RHBDD1: variants seen among roughly 807,000 people sequenced by gnomAD.
RHBDD1 encodes the protein rhomboid-related protein 4.
In RHBDD1, 38 loss-of-function variants were observed where a neutral mutation model predicts 36.3. That is an observed-to-expected ratio of 1.05 (90% CI 0.81 to 1.37). RHBDD1 has a LOEUF of 1.37. Ranked by LOEUF, RHBDD1 falls within the 40% of genes most tolerant of loss-of-function variation. The probability of loss-of-function intolerance (pLI) is 0.00; values close to 1 mark genes in which losing one functional copy is unlikely to be tolerated. For synonymous variants in RHBDD1, 151 were observed against 136.5 expected, an observed-to-expected ratio of 1.11 and a Z score of -0.74; for missense variants, 393 against 377.6, an observed-to-expected ratio of 1.04 and a Z score of -0.34.
chr2:226,971,909 CT>C (rs11305868), intron 8 of RHBDD1, among the ~76,000 whole-genome samples: 63,885 of 146,206 alleles, frequency 0.44, 13,472 homozygotes, highest in South Asian at 0.52. Flanking sequence ...CAAAAGCCCA[CT>C]TTTTTTTTTT....
intron 5 of RHBDD1, among the ~76,000 whole-genome samples, chr2:226,867,955 G>T (rs999658559): frequency 6.6e-6 from 1 of 152,128 alleles, no homozygotes; most frequent in Non-Finnish European, 1.5e-5. Context: ...TTGACCTTGT[G>T]ATCTGCCGGC....
intron 3 of RHBDD1, among the ~76,000 whole-genome samples, chr2:226,850,076 C>T (rs1303671344): frequency 6.6e-6 from 1 of 152,150 alleles, no homozygotes. Context: ...ATATCAACAA[C>T]GAAGGGCTGC....
chr2:226,806,252 T>G, the RHBDD1 span, among the ~76,000 whole-genome samples: 1 of 152,312 alleles, frequency 6.6e-6, no homozygotes, highest in South Asian at 2.1e-4. Flanking sequence ...ACCTGTGGTG[T>G]TGTCCGGTGT....
Position 226,914,140 on chromosome 2 carries a change from A to G in RHBDD1, c.713-68A>G, listed in dbSNP as rs895331544. ...ATGCCTTACTCGCTTGTCTTTGCTT[A>G]TACAAAACAGGAAGTATAAAACAAC... On this transcript the variant is annotated intron_variant, in intron 7 of 8. Coordinates refer to ENST00000392062, the MANE Select transcript of RHBDD1 (RefSeq NM_001167608.3). 3 of 1,435,892 alleles carry G rather than the reference A, an allele frequency of 2.1e-6. No homozygotes were observed. In the African/African-American group the frequency reaches 4.3e-5, roughly 20 times the overall value. 88.9% of individuals were successfully genotyped at this position (1,435,892 alleles called of 1,614,324 possible). A position where few individuals can be genotyped will look rare whatever the true frequency, so the allele number is the denominator to read the frequency against.
intron 8 of RHBDD1, among the ~76,000 whole-genome samples, chr2:226,927,934 G>T (rs1008706151): frequency 6.6e-6 from 1 of 151,922 alleles, no homozygotes; most frequent in African/African-American, 2.4e-5. Context: ...TATCTTTTGT[G>T]GCACAAAAGT....
At chr2:226,993,399 G>A (rs945655657) in intron 8 of RHBDD1, among the ~76,000 whole-genome samples, 3 of 152,138 alleles carry the variant, frequency 2.0e-5, no homozygotes, top group African/African-American at 7.2e-5. Context: ...TCAAGTCCTG[G>A]CCTGCACTCA....
chr2:226,881,315 T>C (rs181968839), intron 5 of RHBDD1, among the ~76,000 whole-genome samples: 5 of 152,144 alleles, frequency 3.3e-5, no homozygotes, highest in African/African-American at 1.2e-4. Context: ...CTGCCCAATC[T>C]CTCACCCAGA....
At chr2:226,935,941 T>C (rs1490688305) in intron 8 of RHBDD1, among the ~76,000 whole-genome samples, 1 of 152,172 alleles carries the variant, frequency 6.6e-6, no homozygotes, top group Non-Finnish European at 1.5e-5. Context: ...CAATTTTTAA[T>C]GTATGCAAAT....
Position 226,891,592 on chromosome 2 carries a change from C to T in RHBDD1, c.567-15201C>T, listed in dbSNP as rs190433593. Among the ~76,000 whole-genome samples the T allele has an allele frequency of 7.2e-4, 110 of 152,278 alleles. 1 individual carries two copies. The highest frequency in any genetic ancestry group is 2.4e-3 in the African/African-American group (100 of 41,556). On this transcript the variant is annotated intron_variant, in intron 5 of 8. Transcript: ENST00000392062. Reference sequence around the variant, plus strand: ...AGTTTCATTCTCAGAAGAGTTCTCTCCACATGGTGACAGAGCTGACATCAG... The same window carrying T: ...AGTTTCATTCTCAGAAGAGTTCTCTTCACATGGTGACAGAGCTGACATCAG...
intron 5 of RHBDD1, among the ~76,000 whole-genome samples, chr2:226,881,735 C>T (rs545047687): frequency 1.5e-4 from 23 of 152,300 alleles, no homozygotes; most frequent in African/African-American, 5.5e-4. Flanking sequence ...TCCTGGCCAA[C>T]TTGAATATTT....
intron 8 of RHBDD1, among the ~76,000 whole-genome samples, chr2:226,989,863 G>A (rs1957789961): frequency 6.6e-6 from 1 of 152,140 alleles, no homozygotes; most frequent in Non-Finnish European, 1.5e-5. Context: ...GCAGGGTGCT[G>A]ACCACTGTAA....
At chr2:226,985,779 C>T (rs1227658401) in intron 8 of RHBDD1, among the ~76,000 whole-genome samples, 3 of 152,216 alleles carry the variant, frequency 2.0e-5, no homozygotes, top group African/African-American at 7.2e-5. Context: ...GGGTGCAGAA[C>T]CCAGCAAGGT....
chr2:226,891,199 A>T (rs10202690), intron 5 of RHBDD1, among the ~76,000 whole-genome samples: 2,092 of 152,262 alleles, frequency 0.014, 39 homozygotes, highest in African/African-American at 0.048. Flanking sequence ...GAAATCTCAT[A>T]TGAAGGCTTG....
chr2:226,899,643 AAGAC>A (rs796948914), intron 5 of RHBDD1, among the ~76,000 whole-genome samples: 6 of 152,206 alleles, frequency 3.9e-5, no homozygotes, highest in African/African-American at 1.4e-4. Context: ...ACTGAAGAAA[AAGAC>A]AGATTGCCTA....
At chr2:226,984,041 T>C (rs1302469953) in intron 8 of RHBDD1, among the ~76,000 whole-genome samples, 1 of 152,174 alleles carries the variant, frequency 6.6e-6, no homozygotes, top group Non-Finnish European at 1.5e-5. Flanking sequence ...GGGAGGGAGC[T>C]GCTGTCTCCG....
chr2:226,992,246 C>T (rs150880495), intron 8 of RHBDD1, among the ~76,000 whole-genome samples: 34 of 152,338 alleles, frequency 2.2e-4, no homozygotes, highest in African/African-American at 6.3e-4. Flanking sequence ...GTGGCTCCAA[C>T]GCAGAGCACA....
chr2:226,852,901 T>TTTATTA (rs34006366), intron 3 of RHBDD1, among the ~76,000 whole-genome samples: 17,950 of 124,490 alleles, frequency 0.14, 1,492 homozygotes, highest in Admixed American at 0.2. Flanking sequence ...ACCTGGCTAA[T>TTTATTA]TTATTATTAT....
Position 226,998,313 on chromosome 2 carries a change from C to CT in RHBDD1, c.*2792dup, listed in dbSNP as rs752227125. On this transcript the variant is annotated 3_prime_UTR_variant, in exon 9 of 9. Transcript: ENST00000392062. ...TAGTTTGAGTAGAACTAGATCCTGTCTATCTATTTGGCACATGTTCTGCTG... is the reference window on the plus strand; with the variant it reads ...TAGTTTGAGTAGAACTAGATCCTGTCTTATCTATTTGGCACATGTTCTGCTG... 3 of 152,182 alleles carry CT rather than the reference C, an allele frequency of 2.0e-5. No homozygotes were observed. The highest frequency in any genetic ancestry group is 2.9e-5 in the Non-Finnish European group (2 of 68,036). The allele number at this position is 152,182 out of a possible 1,614,324, so 9.4% of individuals were successfully genotyped here.
intron 8 of RHBDD1, among the ~76,000 whole-genome samples, chr2:226,938,568 G>A (rs1397938914): frequency 1.3e-5 from 2 of 152,038 alleles, no homozygotes; most frequent in African/African-American, 2.4e-5. Flanking sequence ...CAAGACTGAA[G>A]CAGGAAGAAA....
Sources: allele counts gnomAD v4.1 joint callset (sites outside exome capture counted in the v4.1 genomes callset), GRCh38; gene constraint gnomAD v4.1.1; transcripts MANE v1.5; gene names NCBI Gene and HGNC (gene_info 2026-07-23, HGNC 2026-07-21).